The following CSMD1 variants were observed in gnomAD, a reference collection of about 807,000 sequenced individuals.
CSMD1 encodes the protein CUB and sushi domain-containing protein 1.
In CSMD1, 213 loss-of-function variants were observed where a neutral mutation model predicts 417.5. The observed-to-expected ratio is 0.51, with a 90% CI of 0.46 to 0.57. CSMD1 has a LOEUF of 0.57. CSMD1 is among the 20% of genes least tolerant of loss of function. The pLI, the probability that CSMD1 is intolerant of heterozygous loss-of-function variation, is 0.00. For synonymous variants in CSMD1, 2,862 were observed against 1,736.8 expected (o/e 1.65, Z -16.11); for missense variants, 6,923 against 4,529.7 (o/e 1.53, Z -15.17).
intron 1 of CSMD1, among the ~76,000 whole-genome samples, chr8:4,959,003 A>C (rs2117322006): frequency 6.6e-6 from 1 of 152,318 alleles, no homozygotes; most frequent in Non-Finnish European, 1.5e-5. Context: ...CTTAAATCTT[A>C]ATTGTATGCT....
intron 1 of CSMD1, among the ~76,000 whole-genome samples, chr8:4,657,069 C>G (rs1027322052): frequency 2.6e-5 from 4 of 152,016 alleles, no homozygotes; most frequent in Non-Finnish European, 4.4e-5. Flanking sequence ...ACACAGTGCC[C>G]AAAGCTGCAC....
At chr8:4,634,574 T>A (rs1009550544) in intron 2 of CSMD1, among the ~76,000 whole-genome samples, 1 of 152,216 alleles carries the variant, frequency 6.6e-6, no homozygotes, top group African/African-American at 2.4e-5. Flanking sequence ...ATCTCAGTTA[T>A]CAGCAGCTCC....
chr8:4,832,678 G>A (rs1029555656), intron 1 of CSMD1, among the ~76,000 whole-genome samples: 3 of 152,106 alleles, frequency 2.0e-5, no homozygotes, highest in Non-Finnish European at 4.4e-5. Flanking sequence ...TTCTCACAAA[G>A]AAAACTCTCA....
intron 18 of CSMD1, chr8:3,373,517 G>C (rs1252186686): frequency 6.6e-6 from 1 of 152,190 alleles, no homozygotes; most frequent in Non-Finnish European, 1.5e-5. Flanking sequence ...GATGTATGGA[G>C]AATTGAATTG....
chr8:3,907,545 G>C (rs746694484), intron 5 of CSMD1, among the ~76,000 whole-genome samples: 1 of 152,074 alleles, frequency 6.6e-6, no homozygotes, highest in Non-Finnish European at 1.5e-5. Context: ...TATTTTTAAG[G>C]AATGGCCCAG....
chr8:3,504,835 G>A (rs1310329221), intron 10 of CSMD1, among the ~76,000 whole-genome samples: 2 of 152,174 alleles, frequency 1.3e-5, no homozygotes, highest in African/African-American at 2.4e-5. Context: ...TTTCAAGAGA[G>A]TAGCAAGTTG....
At chr8:4,831,453 T>C (rs1034351833) in intron 1 of CSMD1, among the ~76,000 whole-genome samples, 4 of 152,236 alleles carry the variant, frequency 2.6e-5, no homozygotes, top group South Asian at 2.1e-4. Context: ...GTACATTCTA[T>C]GTGCCAAGCA....
chr8:4,803,252 T>C (rs1371885543), intron 1 of CSMD1, among the ~76,000 whole-genome samples: 1 of 152,176 alleles, frequency 6.6e-6, no homozygotes, highest in East Asian at 1.9e-4. Context: ...TGGTTTATGG[T>C]TTACTGAGAA....
chr8:4,121,463 A>G (rs1403719978), intron 3 of CSMD1, among the ~76,000 whole-genome samples: 1 of 152,174 alleles, frequency 6.6e-6, no homozygotes, highest in Non-Finnish European at 1.5e-5. Flanking sequence ...CTTCTTTGCT[A>G]TACTTGCTTC....
chr8:4,409,932 G>C (rs890799221), intron 3 of CSMD1, among the ~76,000 whole-genome samples: 1 of 151,712 alleles, frequency 6.6e-6, no homozygotes, highest in Admixed American at 6.6e-5. Context: ...TCCTGCCTCA[G>C]CTTCCCAAGT....
rs369174987 is a variant in CSMD1 at position 3,903,182 on chromosome 8, T to G, written c.818+94721A>C. On this transcript the variant is annotated intron_variant, in intron 5 of 69. Transcript: ENST00000635120. ...TTCCATTTAGCGATTGAGTATTAAG[T>G]GTTCTTCTTACCCTTCAGTGTGACT... is the stretch of plus-strand genomic sequence containing the variant. 4.8e-4 allele frequency among the ~76,000 whole-genome samples: 73 copies of G among 152,264 alleles called. 2 individuals are homozygous for G. The East Asian group carries it at 7.2e-3, about 15-fold the overall frequency.
At position 4,118,600 on chromosome 8, in the gene CSMD1, G is replaced by A. The variant is rs548861120; in HGVS notation, c.416-86501C>T. 2.0e-5 allele frequency among the ~76,000 whole-genome samples: 3 copies of A among 152,280 alleles called. No individual in the cohort carries two copies. The South Asian group carries it at 6.2e-4, about 32-fold the overall frequency. ...AAAAAGTAAGGAAACAATAGATGCT[G>A]GCAAGGCTGTGGAGACTTAGGAACA... is the stretch of plus-strand genomic sequence containing the variant. On this transcript the variant is annotated intron_variant, in intron 3 of 69. Transcript: ENST00000635120.
At chr8:4,560,859 G>A (rs1403047336) in intron 2 of CSMD1, among the ~76,000 whole-genome samples, 1 of 152,078 alleles carries the variant, frequency 6.6e-6, no homozygotes, top group Non-Finnish European at 1.5e-5. Flanking sequence ...CAAATCTCTT[G>A]GACATCAAAT....
chr8:4,359,682 C>T (rs1198573960), intron 3 of CSMD1, among the ~76,000 whole-genome samples: 1 of 152,188 alleles, frequency 6.6e-6, no homozygotes, highest in East Asian at 1.9e-4. Context: ...TATGAATCCT[C>T]AGCCCTCTGG....
intron 3 of CSMD1, among the ~76,000 whole-genome samples, chr8:4,120,754 A>C (rs1263419957): frequency 6.6e-6 from 1 of 152,240 alleles, no homozygotes; most frequent in African/African-American, 2.4e-5. Flanking sequence ...AATGTGTCTT[A>C]GAGGACACCT....
chr8:4,378,026 C>T (rs576163760), intron 3 of CSMD1, among the ~76,000 whole-genome samples: 2 of 152,248 alleles, frequency 1.3e-5, no homozygotes, highest in African/African-American at 4.8e-5. Flanking sequence ...TTTGTATTCC[C>T]TCTAATATAC....
intron 3 of CSMD1, among the ~76,000 whole-genome samples, chr8:4,343,225 C>T (rs1584929724): frequency 6.6e-6 from 1 of 152,140 alleles, no homozygotes; most frequent in East Asian, 1.9e-4. Context: ...ATATGATAAT[C>T]AAATACAAAG....
chr8:4,897,254 C>T (rs186901475), intron 1 of CSMD1, among the ~76,000 whole-genome samples: 1 of 151,872 alleles, frequency 6.6e-6, no homozygotes, highest in Non-Finnish European at 1.5e-5. Context: ...ATCCTTTCAT[C>T]GTATCAACCA....
At chr8:4,334,472 C>T (rs921977137) in intron 3 of CSMD1, among the ~76,000 whole-genome samples, 2 of 152,164 alleles carry the variant, frequency 1.3e-5, no homozygotes, top group African/African-American at 4.8e-5. Context: ...CCTGAGTGTT[C>T]ATCCTGCCTT....
Sources: gnomAD v4.1 joint callset for allele counts (sites outside exome capture counted in the v4.1 genomes callset) on GRCh38, gnomAD v4.1.1 for gene constraint, MANE v1.5 for transcripts, NCBI Gene and HGNC (gene_info 2026-07-23, HGNC 2026-07-21) for gene names.